The following CAPZA1 variants were observed in gnomAD, a reference collection of about 807,000 sequenced individuals.
The protein encoded by CAPZA1 is F-actin-capping protein subunit alpha-1.
Under a neutral mutation model 40.8 loss-of-function variants are expected in CAPZA1, and 10 were observed. The ratio of observed to expected loss-of-function variants is 0.25; its 90% CI spans 0.15 to 0.42. The LOEUF is 0.42. Ranked by LOEUF, CAPZA1 falls within the 10% of genes least tolerant of loss-of-function variation. CAPZA1 has a pLI of 1.00. For synonymous variants in CAPZA1, 98 were observed against 115.0 expected (o/e 0.85, Z 0.95); for missense variants, 277 against 353.8 (o/e 0.78, Z 1.74).
chr1:112,664,005 A>G (rs1283209722), intron 7 of CAPZA1, among the ~76,000 whole-genome samples: 4 of 151,906 alleles, frequency 2.6e-5, no homozygotes, highest in African/African-American at 9.7e-5. Context: ...AAGCCAAAGC[A>G]GGGGGATCAT....
intron 1 of CAPZA1, among the ~76,000 whole-genome samples, chr1:112,623,685 A>C (rs1249493429): frequency 6.7e-6 from 1 of 149,544 alleles, no homozygotes; most frequent in Non-Finnish European, 1.5e-5. Context: ...CCGTCTCAAA[A>C]AAAAAAAAAA....
At chr1:112,648,347 C>CTTTTTTTTTTTTTT (rs35670246) in intron 2 of CAPZA1, among the ~76,000 whole-genome samples, 4 of 99,386 alleles carry the variant, frequency 4.0e-5, no homozygotes, top group South Asian at 3.4e-4. Context: ...TTGAATTTTT[C>CTTTTTTTTTTTTTT]TTTTTTTTTT....
chr1:112,633,265 A>G (rs1258216745), intron 1 of CAPZA1, among the ~76,000 whole-genome samples: 4 of 151,898 alleles, frequency 2.6e-5, no homozygotes, highest in Non-Finnish European at 5.9e-5. Context: ...AGCCTCTGGT[A>G]ACCACCATTC....
intron 1 of CAPZA1, among the ~76,000 whole-genome samples, chr1:112,627,789 C>T (rs914085214): frequency 2.6e-5 from 4 of 151,906 alleles, no homozygotes; most frequent in Non-Finnish European, 5.9e-5. Flanking sequence ...GGAGAAACCC[C>T]GTCTCTACTA....
intron 5 of CAPZA1, among the ~76,000 whole-genome samples, chr1:112,657,167 T>G (rs891807445): frequency 7.9e-5 from 12 of 152,142 alleles, no homozygotes; most frequent in Admixed American, 2.6e-4. Flanking sequence ...CCCAAGTAGC[T>G]AGGACCACAG....
rs745399525 is a variant in CAPZA1, at chr1:112,619,873, A to C, written c.29A>C (p.Asp10Ala). The change falls in exon 1 of 10, where the codon GAT (aspartate) becomes GCT (alanine). Residue 10 changes from aspartate to alanine, a missense_variant. By Grantham distance (126) the Asp-to-Ala change is moderately radical. This residue lies in a region of CAPZA1 where 85 missense variants were observed against 76.5 expected (regional missense o/e 1.11). Coordinates refer to ENST00000263168, the MANE Select transcript of CAPZA1 (RefSeq NM_006135.3). ...GCCGACTTCGATGATCGTGTGTCGG[A>C]TGAGGAGAAGGTAAGGGGTCCGCCT... MADFDDRVS[D>A]EEKVRIAAKF... The C allele has an allele frequency of 6.2e-6, 10 of 1,612,412 alleles. No homozygotes were observed. Among genetic ancestry groups the C allele is most frequent in the Non-Finnish European group, 7.6e-6 (9 of 1,179,310 alleles).
intron 1 of CAPZA1, chr1:112,620,704 G>A (rs1197631394): frequency 6.6e-6 from 1 of 152,206 alleles, no homozygotes; most frequent in African/African-American, 2.4e-5. Flanking sequence ...CTCCACTGTG[G>A]AGTCTTTGAT....
chr1:112,642,498 A>C (rs1440246784), intron 1 of CAPZA1, among the ~76,000 whole-genome samples: 1 of 151,876 alleles, frequency 6.6e-6, no homozygotes, highest in Non-Finnish European at 1.5e-5. Context: ...TATAGGCGTG[A>C]GCCACCGCGC....
intron 8 of CAPZA1, among the ~76,000 whole-genome samples, chr1:112,668,181 G>C (rs1464883202): frequency 6.6e-6 from 1 of 152,096 alleles, no homozygotes; most frequent in South Asian, 2.1e-4. Flanking sequence ...AGGCTGTGGT[G>C]GGAGGATCAC....
intron 6 of CAPZA1, 109 bp from the exon 7 acceptor site, chr1:112,659,592 T>C: frequency 1.4e-6 from 1 of 738,024 alleles, no homozygotes; most frequent in South Asian, 1.9e-5. Context: ...CTCTCTTTTT[T>C]TTTTTCTTTT....
intron 2 of CAPZA1, among the ~76,000 whole-genome samples, 181 bp from the exon 3 acceptor site, chr1:112,649,236 AT>A (rs1321644456): frequency 6.6e-6 from 1 of 152,260 alleles, no homozygotes; most frequent in Non-Finnish European, 1.5e-5. Context: ...TATAGCACAC[AT>A]AATTGTACAC....
chr1:112,655,597 C>CTA (rs1049662567), intron 5 of CAPZA1, among the ~76,000 whole-genome samples: 1 of 152,084 alleles, frequency 6.6e-6, no homozygotes, highest in African/African-American at 2.4e-5. Flanking sequence ...AAGTCTTACT[C>CTA]TGTCACCCAG....
intron 5 of CAPZA1, among the ~76,000 whole-genome samples, chr1:112,656,418 A>G (rs1191197079): frequency 2.3e-5 from 3 of 128,722 alleles, no homozygotes; most frequent in African/African-American, 8.7e-5. Context: ...GATGAATGTT[A>G]GGCTAGGTGT....
chr1:112,637,350 G>A (rs1671040924), intron 1 of CAPZA1, among the ~76,000 whole-genome samples: 1 of 152,236 alleles, frequency 6.6e-6, no homozygotes, highest in Non-Finnish European at 1.5e-5. Flanking sequence ...TGGGTATACT[G>A]CAGTGAACAA....
At chr1:112,659,635 A>G in intron 6 of CAPZA1, 66 bp from the exon 7 acceptor site, 3 of 1,218,382 alleles carry the variant, frequency 2.5e-6, no homozygotes, top group South Asian at 2.6e-5. Context: ...TCTGTACCTC[A>G]GTGGCAAATC....
intron 1 of CAPZA1, 26 bp from the exon 2 acceptor site, chr1:112,647,184 T>A: frequency 8.1e-7 from 1 of 1,240,356 alleles, no homozygotes; most frequent in Non-Finnish European, 1.1e-6. Flanking sequence ...ATAATTCTCC[T>A]AAGTGTAAAT....
chr1:112,651,225 A>G (rs942762459), intron 3 of CAPZA1, among the ~76,000 whole-genome samples: 1 of 152,252 alleles, frequency 6.6e-6, no homozygotes, highest in African/African-American at 2.4e-5. Context: ...GCGCTTCTGG[A>G]ATAAATAGGG....
In CAPZA1 at chr1:112,670,707, G is replaced by A. The variant is rs1490371791; in HGVS notation, c.*575G>A. On this transcript the variant is annotated 3_prime_UTR_variant, in exon 10 of 10. Coordinates refer to ENST00000263168, the MANE Select transcript of CAPZA1 (RefSeq NM_006135.3). ...GATTGGGACTTTTCAGGTCCTTTTT[G>A]GAGGGCAAAGGAAGTGCCAGCTTCT... 1 of 152,544 alleles carries A rather than the reference G, an allele frequency of 6.6e-6. No individual in the cohort carries two copies. The highest frequency in any genetic ancestry group is 1.5e-5 in the Non-Finnish European group (1 of 68,038). 9.4% of individuals were successfully genotyped at this position (152,544 alleles called of 1,614,324 possible). A position where few individuals can be genotyped will look rare whatever the true frequency, so the allele number is the denominator to read the frequency against.
At chr1:112,622,829 T>C (rs1470499848) in intron 1 of CAPZA1, among the ~76,000 whole-genome samples, 1 of 152,136 alleles carries the variant, frequency 6.6e-6, no homozygotes, top group Non-Finnish European at 1.5e-5. Flanking sequence ...TAGAAAATGT[T>C]GTAAATAGAT....
Sources: allele counts gnomAD v4.1 joint callset (sites outside exome capture counted in the v4.1 genomes callset), GRCh38; gene constraint gnomAD v4.1.1; regional missense constraint gnomAD v4.1.1; transcripts MANE v1.5; gene names NCBI Gene and HGNC (gene_info 2026-07-23, HGNC 2026-07-21).